Variants in PDE1A observed in about 807,000 individuals in gnomAD.
The protein encoded by PDE1A is phosphodiesterase 1A, also known as dual specificity calcium/calmodulin-dependent 3',5'-cyclic nucleotide phosphodiesterase 1A.
PDE1A carries 35 observed loss-of-function variants against 61.7 expected under a neutral mutation model. That is an observed-to-expected ratio of 0.57 (90% CI 0.43 to 0.75). The LOEUF (loss-of-function observed/expected upper bound fraction) is 0.75. Among genes scored for constraint, PDE1A ranks in the 30% least tolerant of loss-of-function variants. PDE1A has a pLI of 0.00. For synonymous variants in PDE1A, 232 were observed against 213.2 expected (o/e 1.09, Z -0.77); for missense variants, 597 against 630.6 (o/e 0.95, Z 0.57).
At chr2:182,713,908 A>G in the PDE1A span, among the ~76,000 whole-genome samples, 1 of 152,174 alleles carries the variant, frequency 6.6e-6, no homozygotes, top group South Asian at 2.1e-4. Flanking sequence ...TCTTTAGTCT[A>G]CTACAATCTA....
At chr2:182,640,608 T>C in the PDE1A span, among the ~76,000 whole-genome samples, 3 of 152,310 alleles carry the variant, frequency 2.0e-5, no homozygotes, top group East Asian at 5.8e-4. Context: ...TGGAAGAAGA[T>C]AAAATGCTAA....
At chr2:182,149,664 C>A (rs1690675157) in intron 13 of PDE1A, among the ~76,000 whole-genome samples, 1 of 152,094 alleles carries the variant, frequency 6.6e-6, no homozygotes, top group African/African-American at 2.4e-5. Flanking sequence ...TTGTTAGTGA[C>A]CCTTAGTACT....
chr2:182,710,528 C>T, the PDE1A span, among the ~76,000 whole-genome samples: 7 of 152,222 alleles, frequency 4.6e-5, no homozygotes, highest in African/African-American at 1.7e-4. Context: ...ACCACATCCC[C>T]TGGCAAGCAC....
the PDE1A span, among the ~76,000 whole-genome samples, chr2:182,657,800 A>T: frequency 2.0e-5 from 3 of 152,244 alleles, no homozygotes; most frequent in Admixed American, 2.0e-4. Context: ...GGTGGCTAAA[A>T]ACATCTCTAA....
chr2:182,153,493 A>G (rs1232842559), intron 13 of PDE1A, among the ~76,000 whole-genome samples: 1 of 152,228 alleles, frequency 6.6e-6, no homozygotes, highest in African/African-American at 2.4e-5. Context: ...ATTCTTTTAG[A>G]GGAAGGCTCT....
chr2:182,246,424 GAC>G (rs1212589500), intron 2 of PDE1A, among the ~76,000 whole-genome samples: 2 of 28,334 alleles, frequency 7.1e-5, no homozygotes, highest in Non-Finnish European at 1.5e-4. Flanking sequence ...TTTTTTTTTT[GAC>G]AGAGTCTTGC....
chr2:182,406,834 T>C (rs548256780), intron 1 of PDE1A, among the ~76,000 whole-genome samples: 3 of 152,182 alleles, frequency 2.0e-5, no homozygotes, highest in African/African-American at 7.2e-5. Context: ...TTTAAAATTA[T>C]ATTAATAAAT....
chr2:182,630,556 A>T, the PDE1A span, among the ~76,000 whole-genome samples: 30 of 139,982 alleles, frequency 2.1e-4, no homozygotes, highest in South Asian at 9.0e-4. Context: ...CCTCTTTTTT[A>T]AAAAAAAAAA....
chr2:182,536,933 G>A, the PDE1A span, among the ~76,000 whole-genome samples: 2 of 152,158 alleles, frequency 1.3e-5, no homozygotes, highest in Admixed American at 6.5e-5. Flanking sequence ...GGAGACCCAC[G>A]TGTTCTAGTC....
intron 1 of PDE1A, among the ~76,000 whole-genome samples, chr2:182,280,140 T>G (rs183279194): frequency 2.3e-5 from 3 of 130,156 alleles, no homozygotes; most frequent in East Asian, 5.2e-4. Flanking sequence ...TGCCTTTGGG[T>G]TTTTTTTATT....
chr2:182,534,709 G>T, the PDE1A span, among the ~76,000 whole-genome samples: 1 of 151,470 alleles, frequency 6.6e-6, no homozygotes, highest in African/African-American at 2.4e-5. Flanking sequence ...GGCCTATCAT[G>T]TATGATGCAA....
the PDE1A span, among the ~76,000 whole-genome samples, chr2:182,575,348 AC>A: frequency 6.6e-6 from 1 of 151,840 alleles, no homozygotes; most frequent in African/African-American, 2.4e-5. Context: ...TGGGTCAATC[AC>A]CCCAGCCAAC....
intron 10 of PDE1A, among the ~76,000 whole-genome samples, chr2:182,198,742 T>A (rs1011972148): frequency 2.6e-5 from 4 of 151,890 alleles, no homozygotes; most frequent in South Asian, 2.1e-4. Context: ...TAAAAAAAAA[T>A]TTCTCTTTCA....
the PDE1A span, among the ~76,000 whole-genome samples, chr2:182,688,469 A>G: frequency 1.4e-4 from 22 of 152,316 alleles, no homozygotes; most frequent in Middle Eastern, 3.4e-3. Context: ...TTTACACACA[A>G]GCAAATGCCG....
At chr2:182,518,437 C>G (rs1222749737) in intron 2 of PDE1A, among the ~76,000 whole-genome samples, 1 of 152,026 alleles carries the variant, frequency 6.6e-6, no homozygotes, top group Non-Finnish European at 1.5e-5. Flanking sequence ...TGTTCACTAC[C>G]CTACCAATCA....
At chr2:182,644,729 A>C in the PDE1A span, among the ~76,000 whole-genome samples, 1 of 152,132 alleles carries the variant, frequency 6.6e-6, no homozygotes, top group African/African-American at 2.4e-5. Flanking sequence ...AACTGTGACA[A>C]GGGAGGTAGC....
the PDE1A span, among the ~76,000 whole-genome samples, chr2:182,715,166 T>C: frequency 6.6e-6 from 1 of 152,206 alleles, no homozygotes; most frequent in African/African-American, 2.4e-5. Flanking sequence ...CTTAACATCA[T>C]AGTCTCTGAA....
chr2:182,591,965 A>C, the PDE1A span, among the ~76,000 whole-genome samples: 16 of 152,364 alleles, frequency 1.1e-4, no homozygotes, highest in East Asian at 3.1e-3. Flanking sequence ...TGCTAGTAGC[A>C]GGTGCCTCTG....
chr2:182,629,598 C>T, the PDE1A span, among the ~76,000 whole-genome samples: 539 of 151,346 alleles, frequency 3.6e-3, 1 homozygote, highest in Non-Finnish European at 6.0e-3. Flanking sequence ...AGGTTTCCTA[C>T]TATCTTTCTA....
Sources: gnomAD v4.1 joint callset for allele counts (sites outside exome capture counted in the v4.1 genomes callset) on GRCh38, gnomAD v4.1.1 for gene constraint, MANE v1.5 for transcripts, NCBI Gene and HGNC (gene_info 2026-07-23, HGNC 2026-07-21) for gene names.